PCNT: variants seen among roughly 807,000 people sequenced by gnomAD.
PCNT encodes the protein pericentrin.
In PCNT, 319 loss-of-function variants were observed where a neutral mutation model predicts 380.4. The ratio of observed to expected loss-of-function variants is 0.84; its 90% CI spans 0.77 to 0.92. The LOEUF (loss-of-function observed/expected upper bound fraction) is 0.92, where lower values mean the gene tolerates loss of function less well. Ranked by LOEUF, PCNT falls within the 40% of genes least tolerant of loss-of-function variation. The pLI is 0.00. For missense variants in PCNT, 4,400 were observed against 4,255.3 expected (o/e 1.03, Z -0.95); for synonymous variants, 1,845 against 1,735.2 (o/e 1.06, Z -1.57).
At chr21:46,439,635 G>T (rs540590752) in intron 41 of PCNT, among the ~76,000 whole-genome samples, 1 of 152,150 alleles carries the variant, frequency 6.6e-6, no homozygotes, top group African/African-American at 2.4e-5. Context: ...CAGACACATC[G>T]TTTTTTCTGA....
intron 43 of PCNT, among the ~76,000 whole-genome samples, chr21:46,441,629 C>T (rs2053609573): frequency 6.6e-6 from 1 of 152,168 alleles, no homozygotes; most frequent in Non-Finnish European, 1.5e-5. Flanking sequence ...GGCACTTTGT[C>T]TCCTCGTCTC....
chr21:46,445,098 A>G (rs923555308), intron 46 of PCNT, among the ~76,000 whole-genome samples, 186 bp from the exon 47 acceptor site: 1 of 152,220 alleles, frequency 6.6e-6, no homozygotes, highest in Non-Finnish European at 1.5e-5. Flanking sequence ...CATAAAGATT[A>G]TATTTCGACC....
At chr21:46,396,868 G>C (rs542027450) in intron 21 of PCNT, among the ~76,000 whole-genome samples, 1 of 152,300 alleles carries the variant, frequency 6.6e-6, no homozygotes, top group East Asian at 1.9e-4. Flanking sequence ...CTCCCAAAGT[G>C]CTGGGATTAC....
Position 46,356,995 on chromosome 21 carries a change from A to G in PCNT, c.1958A>G (p.Gln653Arg). Residue 653 changes from glutamine to arginine, a missense_variant, in exon 13 of 47, where the codon CAG (glutamine) becomes CGG (arginine). Transcript: ENST00000359568. ...ACAGAGCTTCCCTGGGTGCATCTCC[A>G]GGGTGTGCAGGACGGGGACTTGGAG... ...HSQELPWVHLQGVQDGDLEAD... is the reference protein window; with the variant it reads ...HSQELPWVHLRGVQDGDLEAD... 6.2e-7 allele frequency: 1 copy of G among 1,614,092 alleles called. No homozygotes were observed. The highest frequency in any genetic ancestry group is 8.5e-7 in the Non-Finnish European group (1 of 1,180,004).
At chr21:46,398,927 C>T (rs2086304622) in intron 24 of PCNT, among the ~76,000 whole-genome samples, 1 of 149,046 alleles carries the variant, frequency 6.7e-6, no homozygotes, top group Non-Finnish European at 1.5e-5. Flanking sequence ...TCACGCCATT[C>T]TCCTGCCTCA....
intron 26 of PCNT, among the ~76,000 whole-genome samples, chr21:46,401,975 C>T (rs950222317): frequency 1.1e-4 from 16 of 152,172 alleles, no homozygotes; most frequent in Admixed American, 5.2e-4. Flanking sequence ...CTCGGCCTCC[C>T]GAGTAGCTGG....
At chr21:46,424,906 G>T (rs958879564) in intron 32 of PCNT, among the ~76,000 whole-genome samples, 19 of 152,066 alleles carry the variant, frequency 1.2e-4, no homozygotes, top group African/African-American at 3.4e-4. Flanking sequence ...GTGCAATTTG[G>T]TTTCACACTT....
chr21:46,433,802 C>T (rs769663424), intron 38 of PCNT, among the ~76,000 whole-genome samples: 4 of 152,002 alleles, frequency 2.6e-5, no homozygotes, highest in South Asian at 2.1e-4. Flanking sequence ...GGTAGAGTCT[C>T]GCTCTGTCTT....
At chr21:46,435,415 G>T (rs1439868137) in intron 38 of PCNT, among the ~76,000 whole-genome samples, 1 of 151,594 alleles carries the variant, frequency 6.6e-6, no homozygotes, top group Non-Finnish European at 1.5e-5. Flanking sequence ...TAGTAGAGAC[G>T]GGGTTTCCTC....
chr21:46,334,780 G>C lies in PCNT; in HGVS notation c.639+12G>C, dbSNP rs746350494. 1.2e-6 allele frequency: 2 copies of C among 1,614,266 alleles called. No homozygotes were observed. Among genetic ancestry groups the C allele is most frequent in the Non-Finnish European group, 1.7e-6 (2 of 1,180,040 alleles). The stretch of plus-strand genomic sequence containing the variant: ...GGATGTTCACAAAGGTATTCTTTAA[G>C]TTCTCTGTTAAGGTGTATTCTTTGT... On this transcript the variant is annotated intron_variant, in intron 3 of 46. Transcript: ENST00000359568.
At chr21:46,442,469 A>ACTTCC in intron 43 of PCNT, 28 bp from the exon 44 acceptor site, 1 of 1,435,014 alleles carries the variant, frequency 7.0e-7, no homozygotes, top group Non-Finnish European at 9.8e-7. Flanking sequence ...CCGTACTTTT[A>ACTTCC]AGTGTGTCTT....
At position 46,431,644 on chromosome 21, in the gene PCNT, C is replaced by CA; in HGVS notation, c.8181dup (p.Arg2728ThrfsTer15). On this transcript the variant is annotated frameshift_variant, in exon 38 of 47. Transcript: ENST00000359568. LOFTEE classifies it high-confidence loss of function. ...CAGAAGGAGCTGCGTATCGAGCACT[C>CA]ACGCTGCGAGGCCTTGCTGGCTCAG... The CA allele has an allele frequency of 1.2e-6, 2 of 1,613,880 alleles. No individual in the cohort carries two copies. Among genetic ancestry groups the CA allele is most frequent in the Non-Finnish European group, 1.7e-6 (2 of 1,179,914 alleles).
At chr21:46,354,128 G>A (rs1346827324) in intron 11 of PCNT, 60 bp downstream of exon 11, 20 of 1,394,746 alleles carry the variant, frequency 1.4e-5, no homozygotes, top group Middle Eastern at 1.9e-4. Flanking sequence ...CCAGCCCTGC[G>A]TCTTCCACAT....
At chr21:46,419,646 C>A (rs995001537) in intron 31 of PCNT, among the ~76,000 whole-genome samples, 3 of 152,226 alleles carry the variant, frequency 2.0e-5, no homozygotes, top group African/African-American at 7.2e-5. Context: ...TCCTCGCACA[C>A]AGTGTCCAGG....
At chr21:46,410,789 T>C (rs183068237) in intron 27 of PCNT, among the ~76,000 whole-genome samples, 4 of 152,374 alleles carry the variant, frequency 2.6e-5, no homozygotes, top group Admixed American at 2.6e-4. Flanking sequence ...GCAGATTCTC[T>C]GCCTAGGTTT....
Position 46,432,067 on chromosome 21 carries a change from C to T in PCNT, c.8603C>T (p.Pro2868Leu), listed in dbSNP as rs200286890. 24 of 1,614,046 alleles carry T rather than the reference C, an allele frequency of 1.5e-5. No individual in the cohort carries two copies. Among genetic ancestry groups the T allele is most frequent in the Non-Finnish European group, 1.8e-5 (21 of 1,180,042 alleles). The change falls in exon 38 of 47, where the codon CCA (proline) becomes CTA (leucine). Residue 2868 changes from proline (P) to leucine (L), a missense_variant. By Grantham distance (98) the Pro-to-Leu change is moderately conservative. Transcript: ENST00000359568. Reference sequence around the variant, plus strand: ...TCTCTGGAGAGAGAGAGGGAGAAACCAGCGTGGTTGCAGGCAGAATTAGAG... The same window carrying T: ...TCTCTGGAGAGAGAGAGGGAGAAACTAGCGTGGTTGCAGGCAGAATTAGAG... ...RCSLEREREKPAWLQAELEQS... is the reference protein window; with the variant it reads ...RCSLEREREKLAWLQAELEQS...
Position 46,411,855 on chromosome 21 carries a change from C to G in PCNT, c.5782C>G (p.Arg1928Gly). The change falls in exon 28 of 47, where the codon CGC (arginine) becomes GGC (glycine). Residue 1928 changes from arginine to glycine, a missense_variant. Arg to Gly is a moderately radical substitution (Grantham distance 125). Transcript: ENST00000359568. ...ELQWLRAQCARLSRQLQVLHQ... is the reference protein window; with the variant it reads ...ELQWLRAQCAGLSRQLQVLHQ... ...GCAGTGGCTCCGAGCGCAGTGTGCC[C>G]GCCTCAGCCGCCAGCTGCAGGTGCT... The G allele has an allele frequency of 6.4e-7, 1 of 1,560,822 alleles. No individual in the cohort carries two copies. The highest frequency in any genetic ancestry group is 1.4e-5 in the African/African-American group (1 of 74,050).
At chr21:46,326,663 G>A in intron 2 of PCNT, 74 bp downstream of exon 2, 5 of 1,456,148 alleles carry the variant, frequency 3.4e-6, no homozygotes, top group Non-Finnish European at 4.8e-6. Context: ...TACTAAAGAT[G>A]GTCTTTGGTC....
At position 46,326,509 on chromosome 21, in the gene PCNT, C is replaced by T. The variant is rs922542907; in HGVS notation, c.187C>T (p.Leu63Phe). The T allele has an allele frequency of 6.2e-7, 1 of 1,614,200 alleles. No individual in the cohort carries two copies. Among genetic ancestry groups the T allele is most frequent in the South Asian group, 1.1e-5 (1 of 91,090 alleles). The change falls in exon 2 of 47, where the codon CTC (leucine) becomes TTC (phenylalanine). Residue 63 changes from leucine (L) to phenylalanine (F), a missense_variant. Transcript: ENST00000359568. ...ESPVTKEDSA[L>F]CGGGDICKST... ...TCCGGTAACCAAGGAGGACAGCGCA[C>T]TCTGTGGAGGAGGGGACATTTGCAA...
Sources: allele counts gnomAD v4.1 joint callset (sites outside exome capture counted in the v4.1 genomes callset), GRCh38; gene constraint gnomAD v4.1.1; transcripts MANE v1.5; gene names NCBI Gene and HGNC (gene_info 2026-07-23, HGNC 2026-07-21).